Variants in ATG7 observed in about 807,000 individuals in gnomAD.
The protein encoded by ATG7 is autophagy related 7.
Under a neutral mutation model 82.4 loss-of-function variants are expected in ATG7, and 70 were observed. That is an observed-to-expected ratio of 0.85 (90% confidence interval 0.70 to 1.04). The LOEUF (loss-of-function observed/expected upper bound fraction) is 1.04. Among genes scored for constraint, ATG7 ranks in the 50% least tolerant of loss-of-function variants. The pLI, the probability that ATG7 is intolerant of heterozygous loss-of-function variation, is 0.00. For missense variants in ATG7, 792 were observed against 864.3 expected (o/e 0.92, Z 1.05); for synonymous variants, 287 against 313.0 (o/e 0.92, Z 0.88).
At position 11,331,442 on chromosome 3, in the gene ATG7, T is replaced by G; in HGVS notation, c.767+14T>G. 6.4e-7 allele frequency: 1 copy of G among 1,560,338 alleles called. No individual in the cohort carries two copies. The highest frequency in any genetic ancestry group is 8.8e-7 in the Non-Finnish European group (1 of 1,131,332). On this transcript the variant is annotated intron_variant, in intron 10 of 20. Coordinates refer to ENST00000693202, the MANE Select transcript of ATG7 (RefSeq NM_001349232.2). ...AGCCCACAGATGGTATTTACAAGAG[T>G]GTGTGTTTGTCTGTCTGTCTGCCTT...
chr3:11,467,596 G>A (rs2086969677), intron 20 of ATG7, among the ~76,000 whole-genome samples: 1 of 152,104 alleles, frequency 6.6e-6, no homozygotes, highest in South Asian at 2.1e-4. Flanking sequence ...GGCTGGTCTT[G>A]AACTCCTGAC....
At chr3:11,540,270 T>C (rs1206220001) in intron 20 of ATG7, among the ~76,000 whole-genome samples, 1 of 152,206 alleles carries the variant, frequency 6.6e-6, no homozygotes, top group Non-Finnish European at 1.5e-5. Context: ...CATCTCATTA[T>C]GGCTTTTATT....
chr3:11,309,107 T>C (rs1948226801), intron 7 of ATG7, 46 bp downstream of exon 7: 2 of 1,531,816 alleles, frequency 1.3e-6, no homozygotes, highest in Non-Finnish European at 1.8e-6. Context: ...TGAAATCCCC[T>C]GGCTTAGCCC....
At position 11,334,020 on chromosome 3, in the gene ATG7, A is replaced by G. The variant is rs569922373; in HGVS notation, c.889+927A>G. 2.6e-5 allele frequency among the ~76,000 whole-genome samples: 4 copies of G among 152,218 alleles called. No individual in the cohort carries two copies. In the East Asian group the frequency reaches 7.7e-4, roughly 29 times the overall value. On this transcript the variant is annotated intron_variant, in intron 11 of 20. Transcript: ENST00000693202. ...CACCTCAGCCTCCCAAAGTGCTGGG[A>G]TTACAGGCATGAGCCACCGCTCCCG...
intron 1 of ATG7, among the ~76,000 whole-genome samples, chr3:11,277,856 C>T (rs927581928): frequency 7.3e-5 from 10 of 136,526 alleles, no homozygotes; most frequent in African/African-American, 5.5e-5. Flanking sequence ...ATCTCAACTG[C>T]GTAAGACAGA....
At chr3:11,386,086 A>G (rs2078298027) in intron 19 of ATG7, among the ~76,000 whole-genome samples, 1 of 152,320 alleles carries the variant, frequency 6.6e-6, no homozygotes, top group Non-Finnish European at 1.5e-5. Context: ...GCAGGAAGTC[A>G]GGGGATTTCC....
intron 20 of ATG7, among the ~76,000 whole-genome samples, chr3:11,527,139 C>G (rs2092602700): frequency 6.6e-6 from 1 of 150,970 alleles, no homozygotes; most frequent in Admixed American, 6.6e-5. Context: ...GAGTCTCACT[C>G]TGTTGTCCAG....
intron 9 of ATG7, among the ~76,000 whole-genome samples, chr3:11,327,987 T>A (rs909260351): frequency 6.6e-6 from 1 of 152,164 alleles, no homozygotes; most frequent in African/African-American, 2.4e-5. Context: ...ATCCAGAGTT[T>A]TCAAGATAAT....
intron 14 of ATG7, among the ~76,000 whole-genome samples, chr3:11,351,786 C>A (rs1011924993): frequency 5.3e-5 from 8 of 151,914 alleles, no homozygotes; most frequent in Admixed American, 5.2e-4. Context: ...ACTTGCGAAA[C>A]TATTTAACTT....
intron 20 of ATG7, among the ~76,000 whole-genome samples, chr3:11,522,795 C>A (rs1015654439): frequency 1.3e-5 from 2 of 152,184 alleles, no homozygotes; most frequent in Non-Finnish European, 2.9e-5. Flanking sequence ...CTGCTCTGAG[C>A]TTGTGGTACA....
intron 14 of ATG7, among the ~76,000 whole-genome samples, chr3:11,349,057 CAG>C (rs1955040147): frequency 6.6e-6 from 1 of 152,152 alleles, no homozygotes; most frequent in African/African-American, 2.4e-5. Flanking sequence ...TGTGTTTTTA[CAG>C]AGTGCTGATT....
At chr3:11,485,378 C>G (rs1032203460) in intron 20 of ATG7, among the ~76,000 whole-genome samples, 3 of 152,046 alleles carry the variant, frequency 2.0e-5, no homozygotes, top group Non-Finnish European at 1.5e-5. Flanking sequence ...GCCCACTTTT[C>G]GATGGGGTTG....
chr3:11,490,067 G>A (rs1368316154), intron 20 of ATG7, among the ~76,000 whole-genome samples: 2 of 152,078 alleles, frequency 1.3e-5, no homozygotes, highest in East Asian at 3.9e-4. Flanking sequence ...GTCTAATGTT[G>A]ACAGTGGGGT....
intron 20 of ATG7, among the ~76,000 whole-genome samples, chr3:11,534,904 T>C (rs774405148): frequency 2.6e-5 from 4 of 152,246 alleles, no homozygotes; most frequent in Non-Finnish European, 4.4e-5. Flanking sequence ...GGCGCAGCCC[T>C]GCTGCGGAGG....
chr3:11,377,161 G>A (rs1407382283), intron 18 of ATG7, among the ~76,000 whole-genome samples: 1 of 152,202 alleles, frequency 6.6e-6, no homozygotes, highest in Non-Finnish European at 1.5e-5. Context: ...CCCACCTGTG[G>A]AAGTACCCCC....
At chr3:11,523,886 C>A (rs974443742) in intron 20 of ATG7, among the ~76,000 whole-genome samples, 2 of 152,196 alleles carry the variant, frequency 1.3e-5, no homozygotes, top group African/African-American at 4.8e-5. Context: ...GACACAGAAT[C>A]TTCTGTTTCC....
intron 9 of ATG7, among the ~76,000 whole-genome samples, chr3:11,319,769 C>A (rs1244875341): frequency 6.6e-6 from 1 of 152,202 alleles, no homozygotes; most frequent in African/African-American, 2.4e-5. Flanking sequence ...CCCCCTACCA[C>A]CCCTGTGTCT....
At chr3:11,357,345 C>T (rs2076000113) in intron 14 of ATG7, among the ~76,000 whole-genome samples, 1 of 152,048 alleles carries the variant, frequency 6.6e-6, no homozygotes, top group Non-Finnish European at 1.5e-5. Context: ...TTCTAAAGCC[C>T]ATATAAAAAA....
intron 14 of ATG7, among the ~76,000 whole-genome samples, chr3:11,357,102 C>A (rs548345407): frequency 1.2e-4 from 18 of 152,262 alleles, no homozygotes; most frequent in Middle Eastern, 3.4e-3. Context: ...GTCCCTTGAG[C>A]TATTTTTCCA....
Sources: allele counts gnomAD v4.1 joint callset (sites outside exome capture counted in the v4.1 genomes callset), GRCh38; gene constraint gnomAD v4.1.1; transcripts MANE v1.5; gene names NCBI Gene and HGNC (gene_info 2026-07-23, HGNC 2026-07-21).